GSK3B: variants seen among roughly 807,000 people sequenced by gnomAD.
GSK3B encodes the protein glycogen synthase kinase-3 beta.
A neutral mutation model predicts 56.4 loss-of-function variants in GSK3B; 15 were observed. The ratio of observed to expected loss-of-function variants is 0.27; its 90% CI spans 0.18 to 0.41. The LOEUF is 0.41. GSK3B is among the 10% of genes least tolerant of loss of function. The pLI is 1.00. For missense variants in GSK3B, 300 were observed against 513.4 expected, an observed-to-expected ratio of 0.58 and a Z score of 4.02; for synonymous variants, 181 against 188.9, an observed-to-expected ratio of 0.96 and a Z score of 0.34.
chr3:119,878,099 T>C (rs1322776675), intron 7 of GSK3B, among the ~76,000 whole-genome samples: 1 of 152,180 alleles, frequency 6.6e-6, no homozygotes, highest in African/African-American at 2.4e-5. Context: ...TTGGTTCTAA[T>C]TCTCTAGACA....
intron 3 of GSK3B, among the ~76,000 whole-genome samples, chr3:119,929,810 G>A (rs1283718108): frequency 4.6e-5 from 7 of 151,716 alleles, no homozygotes; most frequent in African/African-American, 1.5e-4. Flanking sequence ...GCTGAGGCAG[G>A]AGAATGGCTT....
At chr3:119,958,084 GCT>G (rs1431857736) in intron 2 of GSK3B, among the ~76,000 whole-genome samples, 1 of 152,064 alleles carries the variant, frequency 6.6e-6, no homozygotes, top group Non-Finnish European at 1.5e-5. Flanking sequence ...CCCCCATGCT[GCT>G]CTCCTAATAG....
chr3:119,925,064 T>C (rs1012406767), intron 3 of GSK3B, among the ~76,000 whole-genome samples: 4 of 152,172 alleles, frequency 2.6e-5, no homozygotes, highest in African/African-American at 9.7e-5. Flanking sequence ...CGTGGTGGCT[T>C]ACGCCTGTAA....
At chr3:120,068,297 A>G (rs555442235) in intron 1 of GSK3B, among the ~76,000 whole-genome samples, 1 of 151,758 alleles carries the variant, frequency 6.6e-6, no homozygotes, top group South Asian at 2.1e-4. Flanking sequence ...AGGCTGAGGC[A>G]GGAGAATACC....
intron 1 of GSK3B, among the ~76,000 whole-genome samples, chr3:120,036,662 G>A (rs1022468574): frequency 2.6e-5 from 4 of 151,758 alleles, no homozygotes; most frequent in African/African-American, 7.3e-5. Flanking sequence ...GCATGGTGGC[G>A]GGCACCTGAA....
chr3:119,949,130 A>T (rs1034714099), intron 2 of GSK3B, among the ~76,000 whole-genome samples: 6 of 152,228 alleles, frequency 3.9e-5, no homozygotes, highest in Non-Finnish European at 8.8e-5. Context: ...CTATGTTAAA[A>T]TAAGTTATTT....
chr3:119,935,666 T>C (rs534232362), intron 3 of GSK3B, among the ~76,000 whole-genome samples: 31 of 152,324 alleles, frequency 2.0e-4, no homozygotes, highest in African/African-American at 7.5e-4. Context: ...AAATAGTTCC[T>C]ATTAATTGGT....
intron 1 of GSK3B, among the ~76,000 whole-genome samples, chr3:120,028,053 A>T (rs1197854945): frequency 6.6e-6 from 1 of 152,358 alleles, no homozygotes; most frequent in Admixed American, 6.5e-5. Flanking sequence ...TATAATCAGC[A>T]AAGAGATGAA....
intron 2 of GSK3B, among the ~76,000 whole-genome samples, chr3:119,993,760 G>T (rs1187895933): frequency 6.6e-6 from 1 of 151,918 alleles, no homozygotes; most frequent in African/African-American, 2.4e-5. Flanking sequence ...TTAATAGAAA[G>T]AAATACAGAA....
intron 2 of GSK3B, among the ~76,000 whole-genome samples, chr3:119,970,615 A>T (rs939785447): frequency 0.085 from 4,551 of 53,462 alleles, 89 homozygotes; most frequent in Non-Finnish European, 0.098. Flanking sequence ...ACTAAAATTA[A>T]AAAAAAAAAA....
At chr3:119,966,334 A>C (rs1415005301) in intron 2 of GSK3B, among the ~76,000 whole-genome samples, 1 of 152,222 alleles carries the variant, frequency 6.6e-6, no homozygotes, top group Non-Finnish European at 1.5e-5. Flanking sequence ...ATATTTGAAT[A>C]TTTCTTTACA....
intron 1 of GSK3B, chr3:120,041,389 G>T: frequency 3.4e-6 from 1 of 293,746 alleles, no homozygotes; most frequent in Non-Finnish European, 7.1e-6. Flanking sequence ...AGCACAGGAT[G>T]GAACCCATAC....
At chr3:119,963,658 AAAAAAGAAAG>A (rs1221354032) in intron 2 of GSK3B, among the ~76,000 whole-genome samples, 1 of 151,014 alleles carries the variant, frequency 6.6e-6, no homozygotes, top group East Asian at 1.9e-4. Flanking sequence ...AGAAAAAAAG[AAAAAAGAAAG>A]AAAAAGAAAA....
intron 1 of GSK3B, among the ~76,000 whole-genome samples, chr3:120,041,876 C>A (rs1376172149): frequency 6.6e-6 from 1 of 152,132 alleles, no homozygotes. Flanking sequence ...ATTGGTCTGC[C>A]CAAACTTGTG....
chr3:119,920,772 A>G (rs2056832468), intron 4 of GSK3B, among the ~76,000 whole-genome samples: 1 of 152,326 alleles, frequency 6.6e-6, no homozygotes, highest in Non-Finnish European at 1.5e-5. Context: ...CAAATATAAG[A>G]TTATTACAGT....
At chr3:120,061,132 G>C (rs2058232702) in intron 1 of GSK3B, among the ~76,000 whole-genome samples, 1 of 152,168 alleles carries the variant, frequency 6.6e-6, no homozygotes, top group African/African-American at 2.4e-5. Context: ...GCGTTGCTTA[G>C]AATTCCATTA....
intron 7 of GSK3B, among the ~76,000 whole-genome samples, chr3:119,879,878 A>C (rs4491945): frequency 1.3e-5 from 2 of 151,874 alleles, no homozygotes; most frequent in Non-Finnish European, 2.9e-5. Flanking sequence ...GCTGATGAAC[A>C]CTTAGGTTGC....
intron 3 of GSK3B, among the ~76,000 whole-genome samples, chr3:119,932,960 T>C (rs1191118491): frequency 1.3e-5 from 2 of 152,130 alleles, no homozygotes; most frequent in East Asian, 1.9e-4. Flanking sequence ...TAGCTGGATT[T>C]GGTGGCAGAC....
intron 2 of GSK3B, among the ~76,000 whole-genome samples, chr3:119,995,489 G>A (rs1274587862): frequency 3.5e-4 from 52 of 150,564 alleles, no homozygotes; most frequent in Non-Finnish European, 6.2e-4. Context: ...TTTTTGAGAC[G>A]GAGTCTCACT....
Sources: allele counts gnomAD v4.1 joint callset (sites outside exome capture counted in the v4.1 genomes callset), GRCh38; gene constraint gnomAD v4.1.1; transcripts MANE v1.5; gene names NCBI Gene and HGNC (gene_info 2026-07-23, HGNC 2026-07-21).